The following IRS1 variants were observed in gnomAD, a reference collection of about 807,000 sequenced individuals.
IRS1 encodes the protein insulin receptor substrate 1.
IRS1 carries 34 observed loss-of-function variants against 65.6 expected under a neutral mutation model. The ratio of observed to expected loss-of-function variants is 0.52; its 90% CI spans 0.39 to 0.69. IRS1 has a LOEUF of 0.69. Among genes scored for constraint, IRS1 ranks in the 30% least tolerant of loss-of-function variants. IRS1 has a pLI of 0.00. For synonymous variants in IRS1, 699 were observed against 683.5 expected (o/e 1.02, Z -0.35); for missense variants, 1,641 against 1,720.2 (o/e 0.95, Z 0.81).
At chr2:226,779,090 T>G (rs1271729662) in intron 1 of IRS1, among the ~76,000 whole-genome samples, 1 of 152,222 alleles carries the variant, frequency 6.6e-6, no homozygotes, top group Non-Finnish European at 1.5e-5. Context: ...ATTGTACCAC[T>G]TAACCAGAAT....
chr2:226,741,958 C>G (rs1938448830), intron 1 of IRS1, among the ~76,000 whole-genome samples: 1 of 152,136 alleles, frequency 6.6e-6, no homozygotes, highest in Admixed American at 6.5e-5. Flanking sequence ...AAAATGACCA[C>G]TGACCTATGG....
chr2:226,783,499 T>C (rs866898297), intron 1 of IRS1, among the ~76,000 whole-genome samples: 9 of 152,194 alleles, frequency 5.9e-5, no homozygotes, highest in Non-Finnish European at 1.2e-4. Flanking sequence ...TATTTCAGTC[T>C]CCACTGCCTG....
chr2:226,781,601 C>T (rs1939383144), intron 1 of IRS1, among the ~76,000 whole-genome samples: 1 of 152,102 alleles, frequency 6.6e-6, no homozygotes, highest in South Asian at 2.1e-4. Context: ...GCTTTGAAGA[C>T]ACAATAACAT....
At chr2:226,745,878 C>A (rs746434691) in intron 1 of IRS1, among the ~76,000 whole-genome samples, 15 of 151,650 alleles carry the variant, frequency 9.9e-5, no homozygotes, top group African/African-American at 3.4e-4. Flanking sequence ...ATGCATCTTG[C>A]GAAGAGAGGA....
intron 1 of IRS1, among the ~76,000 whole-genome samples, chr2:226,785,167 C>G (rs912958168): frequency 6.6e-6 from 1 of 152,130 alleles, no homozygotes; most frequent in Non-Finnish European, 1.5e-5. Context: ...GATCCTTAAC[C>G]TTAATACTTA....
intron 1 of IRS1, chr2:226,792,076 T>C (rs1939623744): frequency 1.3e-5 from 2 of 152,234 alleles, no homozygotes; most frequent in African/African-American, 4.8e-5. Context: ...TACGGAATCC[T>C]TGACATCACA....
rs1938287300 is a variant in IRS1, at chr2:226,734,375, A to G, written c.*1897T>C. On this transcript the variant is annotated 3_prime_UTR_variant, in exon 2 of 2. Coordinates refer to ENST00000305123, the MANE Select transcript of IRS1 (RefSeq NM_005544.3). ...AGCATGCAAATGATTAAAATCTGCA[A>G]TAACGGACACTGCACAACAGTCTGT... 1 of 152,220 alleles carries G rather than the reference A, an allele frequency of 6.6e-6. No homozygotes were observed. The allele number at this position is 152,220 out of a possible 1,614,324, so 9.4% of individuals were successfully genotyped here.
chr2:226,762,387 T>C (rs1243991867), intron 1 of IRS1, among the ~76,000 whole-genome samples: 4 of 147,794 alleles, frequency 2.7e-5, no homozygotes. Flanking sequence ...AGAGAGCAAA[T>C]CTTTATCTAA....
chr2:226,737,787 T>C (rs1938357521), intron 1 of IRS1, among the ~76,000 whole-genome samples: 1 of 152,122 alleles, frequency 6.6e-6, no homozygotes. Context: ...AAAAGAATAA[T>C]GTGGGGATGT....
rs1938261676 is a variant in IRS1, at chr2:226,733,075, T to G, written c.*3197A>C. ...GGTGAAACCCTTTCCCCCCTTTTTT[T>G]AACCACCTGCAGTAAATAAATATAA... On this transcript the variant is annotated 3_prime_UTR_variant, in exon 2 of 2. Transcript: ENST00000305123. The G allele has an allele frequency of 6.6e-6, 1 of 152,194 alleles. No individual in the cohort carries two copies. The highest frequency in any genetic ancestry group is 2.1e-4 in the South Asian group (1 of 4,834). The allele number at this position is 152,194 out of a possible 1,614,324, so 9.4% of individuals were successfully genotyped here.
At position 226,797,797 on chromosome 2, in the gene IRS1, G is replaced by A; in HGVS notation, c.942C>T (p.Ala314=). 5 of 1,599,094 alleles carry A rather than the reference G, an allele frequency of 3.1e-6. No homozygotes were observed. The highest frequency in any genetic ancestry group is 4.3e-6 in the Non-Finnish European group (5 of 1,174,436). ...AGCCTGGCTTCCCGCCCACCATGCT[G>A]GCCGGGGAGGTGGCGGTGATGCTCT... The part of the protein sequence containing the change: ...RTESITATSP[A]SMVGGKPGSF... The change falls in exon 1 of 2, where the codon GCC becomes GCT. Residue 314 remains alanine (A), a synonymous_variant. Coordinates refer to ENST00000305123, the MANE Select transcript of IRS1 (RefSeq NM_005544.3). The surrounding 1 kb of genome is among the most constrained non-coding windows in gnomAD (Gnocchi z 8.1).
At chr2:226,739,683 T>C (rs540024817) in intron 1 of IRS1, among the ~76,000 whole-genome samples, 1 of 152,324 alleles carries the variant, frequency 6.6e-6, no homozygotes, top group South Asian at 2.1e-4. Context: ...GTCTCCTCAC[T>C]TTAGAGACAG....
rs1382385980 is a variant in IRS1 at position 226,763,659 on chromosome 2, C to T, written c.*22-27409G>A. ...CCATTGCCAATGGCCCAGGTATCTACGTATTCTGGCCTTTCTCTCTTGGTT... is the reference window on the plus strand; with the variant it reads ...CCATTGCCAATGGCCCAGGTATCTATGTATTCTGGCCTTTCTCTCTTGGTT... On this transcript the variant is annotated intron_variant, in intron 1 of 1. Coordinates refer to ENST00000305123, the MANE Select transcript of IRS1 (RefSeq NM_005544.3). Among the ~76,000 whole-genome samples the T allele has an allele frequency of 3.9e-5, 6 of 152,298 alleles. 1 individual carries two copies. The highest frequency in any genetic ancestry group is 6.5e-5 in the Admixed American group (1 of 15,296).
At chr2:226,750,142 G>C (rs566611448) in intron 1 of IRS1, among the ~76,000 whole-genome samples, 5 of 151,748 alleles carry the variant, frequency 3.3e-5, no homozygotes, top group Admixed American at 1.3e-4. Context: ...CAAGCTACTT[G>C]GGAGGCTGAG....
At chr2:226,756,693 G>A (rs887130092) in intron 1 of IRS1, among the ~76,000 whole-genome samples, 2 of 152,224 alleles carry the variant, frequency 1.3e-5, no homozygotes, top group African/African-American at 4.8e-5. Flanking sequence ...GCTGGGCGAG[G>A]TGGCTCACGC....
chr2:226,783,859 T>C (rs1939435403), intron 1 of IRS1, among the ~76,000 whole-genome samples: 1 of 152,052 alleles, frequency 6.6e-6, no homozygotes, highest in African/African-American at 2.4e-5. Flanking sequence ...GCTTGAAAAG[T>C]ATTTATGCAC....
chr2:226,796,474 G>A lies in IRS1; in HGVS notation c.2265C>T (p.Asp755=). Residue 755 remains aspartate (D), a synonymous_variant, in exon 1 of 2, where the codon GAC becomes GAT. Transcript: ENST00000305123. The part of the protein sequence containing the change: ...SPSDCYYGPE[D]PQHKPVLSYY... Reference sequence around the variant, plus strand: ...AGGAGAGGACTGGCTTGTGCTGGGGGTCCTCAGGGCCGTAGTAGCAGTCGG... The same window carrying A: ...AGGAGAGGACTGGCTTGTGCTGGGGATCCTCAGGGCCGTAGTAGCAGTCGG... 1 of 1,613,872 alleles carries A rather than the reference G, an allele frequency of 6.2e-7. No individual in the cohort carries two copies. The highest frequency in any genetic ancestry group is 8.5e-7 in the Non-Finnish European group (1 of 1,180,038).
At chr2:226,769,144 A>G (rs1198977676) in intron 1 of IRS1, among the ~76,000 whole-genome samples, 3 of 152,246 alleles carry the variant, frequency 2.0e-5, no homozygotes, top group Non-Finnish European at 4.4e-5. Flanking sequence ...GGATTCTCCC[A>G]ACTCAATACT....
In IRS1 at chr2:226,798,274, G is replaced by C; in HGVS notation, c.465C>G (p.Pro155=). 6.2e-7 allele frequency: 1 copy of C among 1,613,084 alleles called. No homozygotes were observed. The highest frequency in any genetic ancestry group is 1.7e-5 in the Admixed American group (1 of 60,018). Residue 155 remains proline, a synonymous_variant, in exon 1 of 2, where the codon CCC becomes CCG. Coordinates refer to ENST00000305123, the MANE Select transcript of IRS1 (RefSeq NM_005544.3). This position sits in a 1 kb window ranked among gnomAD's most constrained non-coding sequence, Gnocchi z 9.4. ...AGACCTCTTTGAATGCGGGTCCTGG[G>C]GGCACGTCACCGTAGCTCAAGTCCT... The part of the protein sequence containing the change: ...AGEDLSYGDV[P]PGPAFKEVWQ...
Sources: gnomAD v4.1 joint callset for allele counts (sites outside exome capture counted in the v4.1 genomes callset) on GRCh38, gnomAD v4.1.1 for gene constraint, Gnocchi (gnomAD v3.1) non-coding constraint, MANE v1.5 for transcripts, NCBI Gene and HGNC (gene_info 2026-07-23, HGNC 2026-07-21) for gene names.